The following PCBP3 variants were observed in gnomAD, a reference collection of about 807,000 sequenced individuals.
The protein encoded by PCBP3 is poly(rC) binding protein 3.
PCBP3 carries 25 observed loss-of-function variants against 52.7 expected under a neutral mutation model. That is an observed-to-expected ratio of 0.47 (90% CI 0.35 to 0.66). The LOEUF (loss-of-function observed/expected upper bound fraction) is 0.66. Ranked by LOEUF, PCBP3 falls within the 30% of genes least tolerant of loss-of-function variation. The probability of loss-of-function intolerance (pLI) is 0.01; values close to 1 mark genes in which losing one functional copy is unlikely to be tolerated. For synonymous variants in PCBP3, 162 were observed against 183.0 expected (o/e 0.89, Z 0.93); for missense variants, 391 against 490.3 (o/e 0.80, Z 1.91).
At chr21:45,816,904 G>A (rs1370016393) in intron 4 of PCBP3, among the ~76,000 whole-genome samples, 1 of 152,126 alleles carries the variant, frequency 6.6e-6, no homozygotes, top group Admixed American at 6.5e-5. Flanking sequence ...CAGGGCAGCA[G>A]GTGAGTTTAC....
intron 2 of PCBP3, among the ~76,000 whole-genome samples, chr21:45,671,137 G>A (rs1185258331): frequency 6.6e-6 from 1 of 152,190 alleles, no homozygotes; most frequent in African/African-American, 2.4e-5. Flanking sequence ...TGTTGTTTGT[G>A]GTTGACAGTT....
At chr21:45,660,403 A>T (rs1207202376) in intron 1 of PCBP3, among the ~76,000 whole-genome samples, 4 of 152,158 alleles carry the variant, frequency 2.6e-5, no homozygotes, top group South Asian at 4.1e-4. Flanking sequence ...ATCATTAAAA[A>T]ATCCATTTAG....
At chr21:45,809,693 G>A (rs951627886) in intron 4 of PCBP3, among the ~76,000 whole-genome samples, 1 of 152,250 alleles carries the variant, frequency 6.6e-6, no homozygotes, top group African/African-American at 2.4e-5. Flanking sequence ...GCTATGCTGC[G>A]ATCCGGGTCG....
At chr21:45,866,992 A>T (rs1603458455) in intron 5 of PCBP3, among the ~76,000 whole-genome samples, 1 of 152,236 alleles carries the variant, frequency 6.6e-6, no homozygotes, top group South Asian at 2.1e-4. Flanking sequence ...TGTTTTGCTT[A>T]AAAAACAGTG....
rs2091316939 is a variant in PCBP3, at chr21:45,788,557, A to C, written c.-126+33105A>C. 1 of 151,850 alleles carries C rather than the reference A, an allele frequency of 6.6e-6. No homozygotes were observed. Among genetic ancestry groups the C allele is most frequent in the African/African-American group, 2.4e-5 (1 of 41,218 alleles). 9.4% of individuals were successfully genotyped at this position (151,850 alleles called of 1,614,324 possible). On this transcript the variant is annotated intron_variant, in intron 4 of 17. Coordinates refer to ENST00000681687, the MANE Select transcript of PCBP3 (RefSeq NM_001384156.1). This position sits in a 1 kb window ranked among gnomAD's most constrained non-coding sequence, Gnocchi z 4.3. Reference sequence around the variant, plus strand: ...GCCCTGCCCTCTTTTTTCCCACCCCACGGGGCCGATCCTGACTTCTGGTTG... The same window carrying C: ...GCCCTGCCCTCTTTTTTCCCACCCCCCGGGGCCGATCCTGACTTCTGGTTG...
chr21:45,863,791 C>T (rs1291292644), intron 5 of PCBP3, among the ~76,000 whole-genome samples: 7 of 152,186 alleles, frequency 4.6e-5, no homozygotes, highest in Non-Finnish European at 2.9e-5. Flanking sequence ...GTGAGCGGTC[C>T]GCGGGCAGGA....
chr21:45,926,275 C>T (rs919463920), intron 13 of PCBP3, among the ~76,000 whole-genome samples: 3 of 152,232 alleles, frequency 2.0e-5, no homozygotes, highest in African/African-American at 7.2e-5. Context: ...AAACCCACTG[C>T]ACTGCCAGCC....
At chr21:45,745,656 G>C (rs2086774951) in intron 3 of PCBP3, among the ~76,000 whole-genome samples, 1 of 152,244 alleles carries the variant, frequency 6.6e-6, no homozygotes, top group Admixed American at 6.5e-5. Context: ...TCTCTGCAGA[G>C]GAGCTGGGCA....
At position 45,910,909 on chromosome 21, in the gene PCBP3, G is replaced by T. The variant is rs767818110; in HGVS notation, c.479G>T (p.Gly160Val). The T allele has an allele frequency of 1.2e-6, 2 of 1,606,462 alleles. No homozygotes were observed. Among genetic ancestry groups the T allele is most frequent in the South Asian group, 2.2e-5 (2 of 90,790 alleles). ...AATGTCCCCTCTCTCCAGTCCACAG[G>T]TGCCCAGGTGCAGGTGGCTGGGGAC... The part of the protein sequence containing the change: ...SKIKEIREST[G>V]AQVQVAGDML... Residue 160 changes from glycine to valine, a missense_variant, in exon 11 of 18, where the codon GGT becomes GTT. Gly to Val is a moderately radical substitution (Grantham distance 109). Transcript: ENST00000681687.
intron 13 of PCBP3, among the ~76,000 whole-genome samples, chr21:45,923,369 C>T (rs930958647): frequency 2.0e-5 from 3 of 152,204 alleles, no homozygotes; most frequent in Non-Finnish European, 4.4e-5. Context: ...CATGGCCCCA[C>T]CTGCTGTCAG....
chr21:45,644,027 C>T (rs1217727114), intron 1 of PCBP3, among the ~76,000 whole-genome samples, 159 bp downstream of exon 1: 2 of 149,516 alleles, frequency 1.3e-5, no homozygotes, highest in Admixed American at 6.6e-5. Context: ...GCGCCGTCCC[C>T]GACCGCCGCC....
chr21:45,722,137 T>G (rs567373199), intron 2 of PCBP3, among the ~76,000 whole-genome samples: 1 of 152,330 alleles, frequency 6.6e-6, no homozygotes, highest in East Asian at 1.9e-4. Context: ...GTAAATCAGT[T>G]ATTGTACTTC....
At chr21:45,822,883 C>CT (rs1477663241) in intron 4 of PCBP3, among the ~76,000 whole-genome samples, 1 of 152,130 alleles carries the variant, frequency 6.6e-6, no homozygotes, top group Non-Finnish European at 1.5e-5. Context: ...CAGGAAGGGG[C>CT]TATGAGTTTG....
At chr21:45,845,613 G>A (rs982732549) in intron 4 of PCBP3, among the ~76,000 whole-genome samples, 4 of 149,980 alleles carry the variant, frequency 2.7e-5, no homozygotes. Flanking sequence ...GTGTATGCAT[G>A]TGTGTGAACT....
intron 4 of PCBP3, among the ~76,000 whole-genome samples, chr21:45,782,617 T>G (rs2090725379): frequency 1.3e-5 from 2 of 152,172 alleles, no homozygotes; most frequent in South Asian, 4.1e-4. Flanking sequence ...AGAAAAATAT[T>G]TGAAGACATA....
intron 4 of PCBP3, chr21:45,761,191 G>A (rs1324717340): frequency 6.6e-6 from 1 of 152,132 alleles, no homozygotes; most frequent in African/African-American, 2.4e-5. Flanking sequence ...TGGATTTTCT[G>A]AACTTAAGCA....
intron 13 of PCBP3, among the ~76,000 whole-genome samples, chr21:45,922,936 G>T (rs375779743): frequency 4.1e-4 from 62 of 152,122 alleles, no homozygotes; most frequent in African/African-American, 1.4e-3. Context: ...TAAGAAGCTG[G>T]TTCTTCAGTG....
chr21:45,882,135 G>A (rs543789102), intron 5 of PCBP3, among the ~76,000 whole-genome samples: 1 of 152,276 alleles, frequency 6.6e-6, no homozygotes, highest in South Asian at 2.1e-4. Flanking sequence ...ACTGTACTAA[G>A]TTTCCCATCA....
In PCBP3 at chr21:45,941,828, A is replaced by G; in HGVS notation, c.*122A>G. On this transcript the variant is annotated 3_prime_UTR_variant, in exon 18 of 18. Transcript: ENST00000681687. ...TACCAATAGAGAGGTTTTCTTAATT[A>G]ACAAAAGGACGTATGCCATGGAGAA... The G allele has an allele frequency of 1.4e-6, 1 of 732,038 alleles. No individual in the cohort carries two copies. The highest frequency in any genetic ancestry group is 2.2e-6 in the Non-Finnish European group (1 of 462,080). 45.3% of individuals were successfully genotyped at this position (732,038 alleles called of 1,614,324 possible). A position where few individuals can be genotyped will look rare whatever the true frequency, so the allele number is the denominator to read the frequency against.
Sources: gnomAD v4.1 joint callset for allele counts (sites outside exome capture counted in the v4.1 genomes callset) on GRCh38, gnomAD v4.1.1 for gene constraint, Gnocchi (gnomAD v3.1) non-coding constraint, MANE v1.5 for transcripts, NCBI Gene and HGNC (gene_info 2026-07-23, HGNC 2026-07-21) for gene names.